The following ADAM18 variants were observed in gnomAD, a reference collection of about 807,000 sequenced individuals.
The protein encoded by ADAM18 is disintegrin and metalloproteinase domain-containing protein 18.
A neutral mutation model predicts 94.4 loss-of-function variants in ADAM18; 117 were observed. The ratio of observed to expected loss-of-function variants is 1.24; its 90% CI spans 1.07 to 1.45. The LOEUF is 1.45. Ranked by LOEUF, ADAM18 falls within the 40% of genes most tolerant of loss-of-function variation. The pLI is 0.00. For missense variants in ADAM18, 936 were observed against 880.0 expected (o/e 1.06, Z -0.81); for synonymous variants, 327 against 291.6 (o/e 1.12, Z -1.24).
At chr8:39,667,117 C>G (rs1360554786) in intron 13 of ADAM18, among the ~76,000 whole-genome samples, 1 of 151,706 alleles carries the variant, frequency 6.6e-6, no homozygotes, top group Non-Finnish European at 1.5e-5. Context: ...TGTGGTGGCT[C>G]AAGACTTGGC....
At chr8:39,724,281 T>C (rs1440935669) in intron 19 of ADAM18, among the ~76,000 whole-genome samples, 1 of 151,812 alleles carries the variant, frequency 6.6e-6, no homozygotes, top group Non-Finnish European at 1.5e-5. Context: ...TGTTCTTTAT[T>C]AAGTCATGTT....
chr8:39,701,615 T>C (rs1822081922), intron 17 of ADAM18, among the ~76,000 whole-genome samples: 1 of 152,148 alleles, frequency 6.6e-6, no homozygotes, highest in Admixed American at 6.6e-5. Flanking sequence ...CCATTAGTTA[T>C]TTCTCCTGAC....
chr8:39,671,696 C>A (rs1430789443), intron 14 of ADAM18, among the ~76,000 whole-genome samples: 5 of 152,154 alleles, frequency 3.3e-5, no homozygotes, highest in Non-Finnish European at 5.9e-5. Flanking sequence ...TCTGATTCCT[C>A]CCCCGTCCCT....
intron 16 of ADAM18, among the ~76,000 whole-genome samples, chr8:39,681,614 T>C (rs1821461259): frequency 1.3e-5 from 2 of 152,170 alleles, no homozygotes; most frequent in African/African-American, 4.8e-5. Flanking sequence ...TGGGTATGAA[T>C]ATAGAACCAG....
rs114059199 is a variant in ADAM18 at position 39,636,770 on chromosome 8, C to T, written c.589-494C>T. Among the ~76,000 whole-genome samples the T allele has an allele frequency of 6.3e-3, 961 of 151,702 alleles. 11 individuals carry two copies. The highest frequency in any genetic ancestry group is 0.022 in the African/African-American group (897 of 41,416). On this transcript the variant is annotated intron_variant, in intron 7 of 19. Transcript: ENST00000265707. ...CCCAAACTTTGTATCCTATGAATGC[C>T]GTTTCCACATTTCTCCCCACACTCA...
At chr8:39,676,579 C>G (rs1468778980) in intron 14 of ADAM18, among the ~76,000 whole-genome samples, 1 of 132,210 alleles carries the variant, frequency 7.6e-6, no homozygotes, top group South Asian at 2.7e-4. Flanking sequence ...AAAGGGAAAT[C>G]CCTCGACTCC....
rs927124248 is a variant in ADAM18, at chr8:39,606,375, T to C, written c.188+13T>C. 7.3e-6 allele frequency: 11 copies of C among 1,510,296 alleles called. No individual in the cohort carries two copies. Among genetic ancestry groups the C allele is most frequent in the Non-Finnish European group, 9.9e-6 (11 of 1,111,790 alleles). The allele number at this position is 1,510,296 out of a possible 1,614,324, so 93.6% of individuals were successfully genotyped here. A position where few individuals can be genotyped will look rare whatever the true frequency, so the allele number is the denominator to read the frequency against. ...ATCTCGGAAAACAGTAAGATATGAT[T>C]TTTTTTTCATTAAGGAAAAGGGAAA... On this transcript the variant is annotated intron_variant, in intron 3 of 19. Coordinates refer to ENST00000265707, the MANE Select transcript of ADAM18 (RefSeq NM_014237.3).
intron 18 of ADAM18, among the ~76,000 whole-genome samples, chr8:39,712,572 G>T (rs554810886): frequency 6.6e-6 from 1 of 152,156 alleles, no homozygotes. Context: ...ATTGCCTTAA[G>T]CTGATAAGCA....
At chr8:39,671,027 C>T (rs966173125) in intron 14 of ADAM18, among the ~76,000 whole-genome samples, 6 of 152,348 alleles carry the variant, frequency 3.9e-5, no homozygotes, top group Admixed American at 2.0e-4. Context: ...GAATTCTCCT[C>T]TGCTCCATCC....
chr8:39,632,003 A>G (rs1039768438), intron 7 of ADAM18, among the ~76,000 whole-genome samples: 4 of 151,844 alleles, frequency 2.6e-5, no homozygotes, highest in African/African-American at 9.7e-5. Flanking sequence ...AATTTATCTT[A>G]TATCCTGTTA....
At chr8:39,606,386 T>C in intron 3 of ADAM18, 24 bp downstream of exon 3, 1 of 1,463,132 alleles carries the variant, frequency 6.8e-7, no homozygotes, top group Non-Finnish European at 9.4e-7. Context: ...TTTTTTTCAT[T>C]AAGGAAAAGG....
intron 18 of ADAM18, among the ~76,000 whole-genome samples, chr8:39,711,997 G>A: frequency 6.7e-6 from 1 of 148,834 alleles, no homozygotes; most frequent in African/African-American, 2.5e-5. Context: ...GTATAACATG[G>A]AATAATATAA....
intron 16 of ADAM18, among the ~76,000 whole-genome samples, chr8:39,681,648 T>C (rs1821462538): frequency 1.3e-5 from 2 of 152,126 alleles, no homozygotes; most frequent in Non-Finnish European, 1.5e-5. Context: ...ACCAGAAGAA[T>C]GTTGAAGACC....
At chr8:39,634,205 G>A (rs1820012372) in intron 7 of ADAM18, among the ~76,000 whole-genome samples, 1 of 152,108 alleles carries the variant, frequency 6.6e-6, no homozygotes, top group African/African-American at 2.4e-5. Flanking sequence ...TGGTTTCAAA[G>A]GGTGCAGACT....
At chr8:39,657,399 C>T (rs1820717683) in intron 12 of ADAM18, among the ~76,000 whole-genome samples, 2 of 152,086 alleles carry the variant, frequency 1.3e-5, no homozygotes, top group Non-Finnish European at 2.9e-5. Context: ...CTAACCTCTG[C>T]CTCCCAGGTT....
chr8:39,599,187 T>G (rs1278291558), intron 2 of ADAM18, among the ~76,000 whole-genome samples: 1 of 152,238 alleles, frequency 6.6e-6, no homozygotes, highest in Non-Finnish European at 1.5e-5. Context: ...ATGTGATGAT[T>G]ACATGAATTG....
intron 16 of ADAM18, among the ~76,000 whole-genome samples, chr8:39,691,261 G>A (rs144851360): frequency 8.3e-4 from 126 of 152,114 alleles, no homozygotes; most frequent in African/African-American, 2.9e-3. Flanking sequence ...CGTATACAAC[G>A]TATAATGATC....
intron 6 of ADAM18, among the ~76,000 whole-genome samples, chr8:39,620,698 CAGCAGCAACAGCATAGATG>C (rs1406775562): frequency 6.7e-6 from 1 of 148,342 alleles, no homozygotes; most frequent in Non-Finnish European, 1.5e-5. Context: ...GAAATCCTAT[CAGCAGCAACAGCATAGATG>C]AACTGATTAA....
chr8:39,700,691 T>C (rs1022385498), intron 17 of ADAM18, among the ~76,000 whole-genome samples: 2 of 152,256 alleles, frequency 1.3e-5, no homozygotes, highest in Non-Finnish European at 2.9e-5. Flanking sequence ...TTATATTTTG[T>C]TTCTATGATA....
Sources: allele counts gnomAD v4.1 joint callset (sites outside exome capture counted in the v4.1 genomes callset), GRCh38; gene constraint gnomAD v4.1.1; transcripts MANE v1.5; gene names NCBI Gene and HGNC (gene_info 2026-07-23, HGNC 2026-07-21).